Variants in IGSF5 observed in about 807,000 individuals in gnomAD.
IGSF5 encodes immunoglobulin superfamily member 5.
Under a neutral mutation model 39.4 loss-of-function variants are expected in IGSF5, and 41 were observed. The ratio of observed to expected loss-of-function variants is 1.04; its 90% CI spans 0.81 to 1.35. IGSF5 has a LOEUF of 1.35. Ranked by LOEUF, IGSF5 falls within the 40% of genes most tolerant of loss-of-function variation. The probability of loss-of-function intolerance (pLI) is 0.00; values close to 1 mark genes in which losing one functional copy is unlikely to be tolerated. For synonymous variants in IGSF5, 183 were observed against 175.3 expected (o/e 1.04, Z -0.34); for missense variants, 487 against 494.6 (o/e 0.98, Z 0.15).
intron 2 of IGSF5, among the ~76,000 whole-genome samples, chr21:39,753,307 AT>A (rs1351520379): frequency 6.6e-6 from 1 of 152,068 alleles, no homozygotes; most frequent in Non-Finnish European, 1.5e-5. Context: ...GGCTGTAAGT[AT>A]TTGGCTTTAT....
the IGSF5 span, among the ~76,000 whole-genome samples, chr21:39,734,459 C>CAG: frequency 6.6e-6 from 1 of 150,508 alleles, no homozygotes; most frequent in Non-Finnish European, 1.5e-5. Context: ...CACACACACA[C>CAG]ACACACACAC....
chr21:39,713,401 A>C, the IGSF5 span, among the ~76,000 whole-genome samples: 1 of 152,196 alleles, frequency 6.6e-6, no homozygotes, highest in Non-Finnish European at 1.5e-5. Context: ...ATGGTTAGGT[A>C]GCAGGACAAA....
chr21:39,755,363 G>C (rs1365492563), intron 2 of IGSF5, among the ~76,000 whole-genome samples: 1 of 151,964 alleles, frequency 6.6e-6, no homozygotes, highest in Non-Finnish European at 1.5e-5. Flanking sequence ...GAGGCGGGCG[G>C]ATCACAAGGT....
At chr21:39,763,606 A>G (rs995831606) in intron 2 of IGSF5, among the ~76,000 whole-genome samples, 1 of 152,146 alleles carries the variant, frequency 6.6e-6, no homozygotes, top group Non-Finnish European at 1.5e-5. Context: ...GGGGTTTCAG[A>G]GGGATGCTTG....
In IGSF5 at chr21:39,779,073, A is replaced by AT. The variant is rs780790760; in HGVS notation, c.719-10dup. Reference sequence around the variant, plus strand: ...GGCAGTGCAAGTATCACTAAAATATATTTTTTTCTTCTTTAGACACTGGAG... The same window carrying AT: ...GGCAGTGCAAGTATCACTAAAATATATTTTTTTTCTTCTTTAGACACTGGAG... On this transcript the variant is annotated splice_polypyrimidine_tract_variant and intron_variant, in intron 4 of 8. Transcript: ENST00000380588. The AT allele has an allele frequency of 2.2e-5, 36 of 1,610,172 alleles. 1 individual carries two copies. The South Asian group carries it at 3.9e-4, about 17-fold the overall frequency.
At chr21:39,750,334 A>C (rs2146270862) in intron 2 of IGSF5, among the ~76,000 whole-genome samples, 1 of 152,188 alleles carries the variant, frequency 6.6e-6, no homozygotes, top group Middle Eastern at 3.4e-3. Context: ...AGATTATCAA[A>C]AAGGACCATT....
At chr21:39,778,030 C>CTTTTGTTG (rs2080149620) in intron 4 of IGSF5, among the ~76,000 whole-genome samples, 2 of 152,122 alleles carry the variant, frequency 1.3e-5, no homozygotes, top group Admixed American at 1.3e-4. Context: ...AGATACCACC[C>CTTTTGTTG]AAGCACGCAG....
chr21:39,787,846 G>C (rs112791269), intron 5 of IGSF5, among the ~76,000 whole-genome samples: 36 of 152,240 alleles, frequency 2.4e-4, no homozygotes, highest in African/African-American at 8.4e-4. Context: ...TATGGAGTCT[G>C]TATAGTCTCA....
chr21:39,779,373 GAA>G, intron 5 of IGSF5, 68 bp downstream of exon 5: 1 of 1,560,364 alleles, frequency 6.4e-7, no homozygotes, highest in Non-Finnish European at 8.7e-7. Flanking sequence ...TGAAGTTAAT[GAA>G]CTCATCAGCT....
At chr21:39,735,036 G>A in the IGSF5 span, among the ~76,000 whole-genome samples, 7 of 151,898 alleles carry the variant, frequency 4.6e-5, no homozygotes, top group Non-Finnish European at 1.0e-4. Flanking sequence ...GATAATTTTT[G>A]TATTTTTAGT....
Position 39,745,287 on chromosome 21 carries a change from A to G in IGSF5, c.-223A>G. 1 of 435,490 alleles carries G rather than the reference A, an allele frequency of 2.3e-6. No homozygotes were observed. Among genetic ancestry groups the G allele is most frequent in the South Asian group, 2.7e-5 (1 of 36,764 alleles). The allele number at this position is 435,490 out of a possible 1,614,324, so 27.0% of individuals were successfully genotyped here. ...CTCATGTCAAGAGCTGTATACCTAAATTAGGAGGGACGCCAGGGATAAGAC... is the reference window on the plus strand; with the variant it reads ...CTCATGTCAAGAGCTGTATACCTAAGTTAGGAGGGACGCCAGGGATAAGAC... On this transcript the variant is annotated 5_prime_UTR_variant, in exon 1 of 9. Transcript: ENST00000380588.
At chr21:39,723,367 C>T in the IGSF5 span, among the ~76,000 whole-genome samples, 5 of 152,118 alleles carry the variant, frequency 3.3e-5, no homozygotes, top group Admixed American at 6.5e-5. Context: ...TCCAAGTGCA[C>T]CTGCTGAGAA....
chr21:39,736,648 C>T, the IGSF5 span, among the ~76,000 whole-genome samples: 1 of 152,232 alleles, frequency 6.6e-6, no homozygotes, highest in Non-Finnish European at 1.5e-5. Context: ...TCAATAGAAA[C>T]AGTCCCGGCC....
chr21:39,742,704 A>G (rs146485337), upstream of IGSF5, among the ~76,000 whole-genome samples: 820 of 152,288 alleles, frequency 5.4e-3, 9 homozygotes, highest in African/African-American at 0.018. Flanking sequence ...CCTATTAGGC[A>G]TTCGATTTGC....
the IGSF5 span, among the ~76,000 whole-genome samples, chr21:39,737,182 GAA>G: frequency 3.6e-5 from 5 of 138,016 alleles, no homozygotes; most frequent in African/African-American, 1.1e-4. Context: ...TTGTTCGTGT[GAA>G]AAAAAAAAAA....
the IGSF5 span, among the ~76,000 whole-genome samples, chr21:39,738,230 AG>A: frequency 1.3e-5 from 2 of 152,168 alleles, no homozygotes; most frequent in African/African-American, 4.8e-5. The surrounding 1 kb of genome is among the most constrained non-coding windows in gnomAD (Gnocchi z 6.4). Context: ...CAGAAGGCAA[AG>A]GCACCTCTTT....
chr21:39,764,197 C>A (rs2080074490), intron 2 of IGSF5, among the ~76,000 whole-genome samples: 1 of 152,164 alleles, frequency 6.6e-6, no homozygotes, highest in Non-Finnish European at 1.5e-5. Context: ...TTACTCCTTC[C>A]CTTTCACGTG....
intron 5 of IGSF5, among the ~76,000 whole-genome samples, chr21:39,781,610 C>T (rs1000343528): frequency 7.9e-5 from 12 of 152,134 alleles, no homozygotes; most frequent in East Asian, 7.7e-4. Context: ...TGAGAGTTCC[C>T]GTTTCCCCAC....
chr21:39,774,973 G>T (rs1601133563), intron 4 of IGSF5, among the ~76,000 whole-genome samples: 5 of 152,146 alleles, frequency 3.3e-5, no homozygotes, highest in Admixed American at 2.6e-4. Flanking sequence ...CCTCTCTCCC[G>T]GCTGTGGATC....
Sources: gnomAD v4.1 joint callset for allele counts (sites outside exome capture counted in the v4.1 genomes callset) on GRCh38, gnomAD v4.1.1 for gene constraint, Gnocchi (gnomAD v3.1) non-coding constraint, MANE v1.5 for transcripts, NCBI Gene and HGNC (gene_info 2026-07-23, HGNC 2026-07-21) for gene names.